Variants in REC114 observed in about 807,000 individuals in gnomAD.
REC114 encodes the protein REC114 meiotic recombination protein, also known as meiotic recombination protein REC114.
REC114 carries 27 observed loss-of-function variants against 31.3 expected under a neutral mutation model. That is an observed-to-expected ratio of 0.86 (90% CI 0.64 to 1.19). The LOEUF (loss-of-function observed/expected upper bound fraction) is 1.19. REC114 is among the 50% of genes most tolerant of loss of function. REC114 has a pLI of 0.00. For missense variants in REC114, 344 were observed against 326.9 expected (o/e 1.05, Z -0.40); for synonymous variants, 134 against 127.7 (o/e 1.05, Z -0.33).
chr15:73,529,771 C>T (rs62015527), intron 2 of REC114, among the ~76,000 whole-genome samples: 42,945 of 152,016 alleles, frequency 0.28, 7,622 homozygotes, highest in Non-Finnish European at 0.4. Flanking sequence ...TGGAACTTAC[C>T]ACATTGATTA....
chr15:73,547,754 C>T (rs915938926), intron 3 of REC114, among the ~76,000 whole-genome samples: 2 of 152,108 alleles, frequency 1.3e-5, no homozygotes, highest in African/African-American at 2.4e-5. Flanking sequence ...GCTAGCCATA[C>T]ACAGAAATAC....
intron 2 of REC114, among the ~76,000 whole-genome samples, chr15:73,503,719 G>T (rs1007476915): frequency 6.6e-6 from 1 of 151,902 alleles, no homozygotes; most frequent in Non-Finnish European, 1.5e-5. Context: ...TTTCTTATTG[G>T]CAATTTGGGT....
intron 2 of REC114, among the ~76,000 whole-genome samples, chr15:73,489,144 C>A (rs901487805): frequency 5.3e-5 from 8 of 151,328 alleles, no homozygotes; most frequent in South Asian, 2.1e-4. Flanking sequence ...ACTAAGTCTT[C>A]ACATGGTGGA....
intron 1 of REC114, among the ~76,000 whole-genome samples, chr15:73,454,227 G>C (rs1245230742): frequency 1.3e-5 from 2 of 151,182 alleles, no homozygotes; most frequent in Non-Finnish European, 2.9e-5. Context: ...GTGCTAAAGA[G>C]AGTTATTTCC....
chr15:73,517,265 C>T (rs1447943709), intron 2 of REC114, among the ~76,000 whole-genome samples: 1 of 152,070 alleles, frequency 6.6e-6, no homozygotes, highest in East Asian at 1.9e-4. Flanking sequence ...GAATTCTAAG[C>T]AAGGGAGTGA....
chr15:73,487,202 CCT>C lies in REC114; in HGVS notation c.249+13282_249+13283del, dbSNP rs371464590. Among the ~76,000 whole-genome samples, 54 of 152,296 alleles carry C rather than the reference CCT, an allele frequency of 3.5e-4. No homozygotes were observed. The East Asian group carries it at 4.3e-3, about 12-fold the overall frequency. ...ATACATTCAGACCATCAATTCCACC[CCT>C]GTTCCCAAAATTCTTGTTCTCACAT... On this transcript the variant is annotated intron_variant, in intron 2 of 5. Transcript: ENST00000331090.
intron 2 of REC114, among the ~76,000 whole-genome samples, chr15:73,506,828 C>G (rs1437369241): frequency 2.0e-5 from 3 of 152,176 alleles, no homozygotes; most frequent in Non-Finnish European, 2.9e-5. Context: ...TGCTGACATT[C>G]TGGCCTTAGA....
intron 3 of REC114, among the ~76,000 whole-genome samples, chr15:73,547,574 A>G (rs1894327549): frequency 6.6e-6 from 1 of 152,228 alleles, no homozygotes; most frequent in African/African-American, 2.4e-5. Flanking sequence ...AAATCAATGT[A>G]TCAGGATATC....
At chr15:73,536,508 A>G (rs904581834) in intron 2 of REC114, among the ~76,000 whole-genome samples, 1 of 152,200 alleles carries the variant, frequency 6.6e-6, no homozygotes, top group Non-Finnish European at 1.5e-5. Flanking sequence ...ACAGCATGCT[A>G]TGAGAACACA....
chr15:73,517,228 G>C (rs2141318169), intron 2 of REC114, among the ~76,000 whole-genome samples: 1 of 152,240 alleles, frequency 6.6e-6, no homozygotes, highest in East Asian at 1.9e-4. Context: ...TTAGTCTTTA[G>C]CTTGAGAGAA....
chr15:73,537,898 T>C (rs1894180029), intron 2 of REC114, among the ~76,000 whole-genome samples: 1 of 152,206 alleles, frequency 6.6e-6, no homozygotes, highest in Non-Finnish European at 1.5e-5. Flanking sequence ...TAGTTCTTTA[T>C]GTAAAGAATA....
At chr15:73,447,647 C>CT (rs1892785686) in intron 1 of REC114, among the ~76,000 whole-genome samples, 1 of 89,288 alleles carries the variant, frequency 1.1e-5, no homozygotes, top group Non-Finnish European at 2.4e-5. Context: ...GACTCTGTCT[C>CT]AAAATAAATA....
At chr15:73,557,572 T>G (rs913607786) in intron 5 of REC114, among the ~76,000 whole-genome samples, 1 of 152,108 alleles carries the variant, frequency 6.6e-6, no homozygotes, top group Non-Finnish European at 1.5e-5. Flanking sequence ...ATGAAAAAAA[T>G]TATTTGTCCA....
chr15:73,464,767 C>T (rs932331958), intron 1 of REC114, among the ~76,000 whole-genome samples: 2 of 152,200 alleles, frequency 1.3e-5, no homozygotes, highest in Non-Finnish European at 2.9e-5. Context: ...TTGTCTTTGC[C>T]TCAGGGCTCC....
At chr15:73,557,608 C>A (rs1167859871) in intron 5 of REC114, among the ~76,000 whole-genome samples, 1 of 152,070 alleles carries the variant, frequency 6.6e-6, no homozygotes, top group Non-Finnish European at 1.5e-5. Context: ...CCCATATTTG[C>A]ATTGGGGTTA....
At chr15:73,471,842 G>A (rs1321217951) in intron 1 of REC114, among the ~76,000 whole-genome samples, 2 of 152,206 alleles carry the variant, frequency 1.3e-5, no homozygotes, top group South Asian at 4.1e-4. Flanking sequence ...TCATGAAAAT[G>A]AATACACATG....
intron 3 of REC114, among the ~76,000 whole-genome samples, chr15:73,549,196 G>T (rs1341958869): frequency 6.6e-6 from 1 of 152,116 alleles, no homozygotes; most frequent in African/African-American, 2.4e-5. Flanking sequence ...AAAATTATGA[G>T]ATCTTGTTAC....
intron 2 of REC114, among the ~76,000 whole-genome samples, chr15:73,511,423 T>C (rs1893766656): frequency 6.6e-6 from 1 of 152,142 alleles, no homozygotes; most frequent in South Asian, 2.1e-4. Context: ...TTTTGAATGG[T>C]TTTTTGTGTC....
At chr15:73,540,684 GA>G in intron 3 of REC114, 116 bp downstream of exon 3, 1 of 904,058 alleles carries the variant, frequency 1.1e-6, no homozygotes, top group South Asian at 1.4e-5. Context: ...AAATGTTTAA[GA>G]AAGGTTTGTA....
Sources: gnomAD v4.1 joint callset for allele counts (sites outside exome capture counted in the v4.1 genomes callset) on GRCh38, gnomAD v4.1.1 for gene constraint, MANE v1.5 for transcripts, NCBI Gene and HGNC (gene_info 2026-07-23, HGNC 2026-07-21) for gene names.